EDA2R: variants seen among roughly 807,000 people sequenced by gnomAD.
EDA2R encodes the protein ectodysplasin A2 receptor.
A neutral mutation model predicts 20.1 loss-of-function variants in EDA2R; 26 were observed. The ratio of observed to expected loss-of-function variants is 1.30; its 90% confidence interval spans 0.95 to 1.80. The LOEUF (loss-of-function observed/expected upper bound fraction) is 1.80. Ranked by LOEUF, EDA2R falls within the 40% of genes most tolerant of loss-of-function variation. The pLI, the probability that EDA2R is intolerant of heterozygous loss-of-function variation, is 0.00. For missense variants in EDA2R, 277 were observed against 228.7 expected, an observed-to-expected ratio of 1.21 and a Z score of -1.36; for synonymous variants, 114 against 88.7, an observed-to-expected ratio of 1.29 and a Z score of -1.60.
chrX:66,633,084 T>G (rs1933996518), intron 1 of EDA2R, among the ~76,000 whole-genome samples: 1 of 112,373 alleles, frequency 8.9e-6, no homozygotes. Context: ...GCTGTTGTCA[T>G]TGTACAGACA....
chrX:66,623,785 C>T (rs1187811875), intron 1 of EDA2R, among the ~76,000 whole-genome samples: 2 of 111,175 alleles, frequency 1.8e-5, no homozygotes, highest in Non-Finnish European at 3.8e-5. Flanking sequence ...GGCTACTTCC[C>T]TCATCTTCTT....
Position 66,596,061 on chromosome X carries a change from T to C in EDA2R, c.*2043A>G, listed in dbSNP as rs1274644795. 2.8e-5 allele frequency: 3 copies of C among 109,013 alleles called. No individual in the cohort carries two copies. The highest frequency in any genetic ancestry group is 1.0e-4 in the African/African-American group (3 of 29,817). The allele number at this position is 109,013 out of a possible 1,213,427, so 9.0% of individuals were successfully genotyped here. Reference sequence around the variant, plus strand: ...AAAAAATTCATTCTCAGGAAATACCTCCCCTTCCTTACAAACAAAAACTAC... The same window carrying C: ...AAAAAATTCATTCTCAGGAAATACCCCCCCTTCCTTACAAACAAAAACTAC... On this transcript the variant is annotated 3_prime_UTR_variant, in exon 7 of 7. Coordinates refer to ENST00000374719, the MANE Select transcript of EDA2R (RefSeq NM_021783.5).
chrX:66,602,627 C>A lies in EDA2R; in HGVS notation c.517+6G>T. The stretch of plus-strand genomic sequence containing the variant: ...TTCATGTGAAACATGAAACAGCCAC[C>A]CTTACCACGCTGGCAATGTCTGTTG... On this transcript the variant is annotated splice_donor_region_variant and intron_variant, in intron 5 of 6. Coordinates refer to ENST00000374719, the MANE Select transcript of EDA2R (RefSeq NM_021783.5). 1 of 1,189,985 alleles carries A rather than the reference C, an allele frequency of 8.4e-7. No individual in the cohort carries two copies. Among genetic ancestry groups the A allele is most frequent in the Non-Finnish European group, 1.1e-6 (1 of 884,586 alleles).
chrX:66,614,773 C>A (rs1405685473), intron 2 of EDA2R, among the ~76,000 whole-genome samples: 1 of 111,863 alleles, frequency 8.9e-6, no homozygotes, highest in African/African-American at 3.2e-5. Flanking sequence ...CTATAACTTT[C>A]CAACCCAAAA....
intron 1 of EDA2R, among the ~76,000 whole-genome samples, chrX:66,624,925 T>C (rs1932919354): frequency 9.0e-6 from 1 of 111,570 alleles, no homozygotes; most frequent in Non-Finnish European, 1.9e-5. Context: ...CTGGGGAAAG[T>C]CTAATTTGCA....
chrX:66,631,354 A>G (rs773118886), intron 1 of EDA2R, among the ~76,000 whole-genome samples: 2 of 111,322 alleles, frequency 1.8e-5, no homozygotes, highest in South Asian at 7.7e-4. Context: ...CCAATAACCT[A>G]TGGAATTTTT....
intron 1 of EDA2R, among the ~76,000 whole-genome samples, chrX:66,634,951 C>G (rs1177148482): frequency 1.8e-5 from 2 of 111,995 alleles, no homozygotes; most frequent in African/African-American, 6.5e-5. Context: ...TTTGGCTTAA[C>G]CACAACGGTG....
chrX:66,636,229 T>C (rs951473990), intron 1 of EDA2R, among the ~76,000 whole-genome samples: 3 of 111,796 alleles, frequency 2.7e-5, no homozygotes, highest in African/African-American at 9.8e-5. Flanking sequence ...AAATAATAAA[T>C]TACAAGGAAT....
intron 5 of EDA2R, chrX:66,600,114 T>C: frequency 8.8e-7 from 1 of 1,130,101 alleles, no homozygotes; most frequent in East Asian, 3.3e-5. Flanking sequence ...AAAGAAACCT[T>C]TGTGGGAAAC....
chrX:66,607,945 G>T (rs775465623), intron 2 of EDA2R, among the ~76,000 whole-genome samples: 39 of 112,069 alleles, frequency 3.5e-4, no homozygotes, highest in Non-Finnish European at 6.6e-4. Flanking sequence ...TCTTAAATTT[G>T]CTCAAAGACA....
At chrX:66,638,619 G>T (rs1324230967) in intron 1 of EDA2R, among the ~76,000 whole-genome samples, 2 of 110,886 alleles carry the variant, frequency 1.8e-5, no homozygotes, top group African/African-American at 6.6e-5. Flanking sequence ...CTTTCCTCAG[G>T]ATGCTCCACA....
At chrX:66,598,288 G>A (rs1927819752) in intron 6 of EDA2R, among the ~76,000 whole-genome samples, 195 bp from the exon 7 acceptor site, 1 of 112,066 alleles carries the variant, frequency 8.9e-6, no homozygotes, top group Non-Finnish European at 1.9e-5. Context: ...GATAGGTTTA[G>A]TTCTAAGCTC....
At chrX:66,606,859 T>G (rs1929773641) in intron 2 of EDA2R, among the ~76,000 whole-genome samples, 1 of 111,932 alleles carries the variant, frequency 8.9e-6, no homozygotes, top group Non-Finnish European at 1.9e-5. Context: ...TGAGGGCTAT[T>G]TGAAGGACTG....
At chrX:66,599,888 G>A (rs776545021) in intron 5 of EDA2R, 28 bp from the exon 6 acceptor site, 38 of 1,189,460 alleles carry the variant, frequency 3.2e-5, no homozygotes, top group Non-Finnish European at 4.1e-5. Flanking sequence ...AAGCCACTGG[G>A]TTACCCAAAA....
At chrX:66,614,694 T>G (rs761489411) in intron 2 of EDA2R, among the ~76,000 whole-genome samples, 1 of 112,064 alleles carries the variant, frequency 8.9e-6, no homozygotes, top group Admixed American at 9.5e-5. Context: ...TTCTCTTCAT[T>G]TTTTAAAATA....
intron 2 of EDA2R, among the ~76,000 whole-genome samples, chrX:66,610,314 C>CAG (rs1555950308): frequency 2.1e-4 from 23 of 109,152 alleles, no homozygotes; most frequent in African/African-American, 7.8e-4. Flanking sequence ...CACACACACA[C>CAG]AGATACATAT....
chrX:66,599,470 T>C lies in EDA2R; in HGVS notation c.*10+4A>G. 1.8e-6 allele frequency: 2 copies of C among 1,129,135 alleles called. No individual in the cohort carries two copies. The highest frequency in any genetic ancestry group is 2.2e-5 in the South Asian group (1 of 45,719). 93.1% of individuals were successfully genotyped at this position (1,129,135 alleles called of 1,213,427 possible). ...TTTTTTTCTGATCCACCTTTCCAGCTCACCTCATTAGAGTTAAGGGCTGGG... is the reference window on the plus strand; with the variant it reads ...TTTTTTTCTGATCCACCTTTCCAGCCCACCTCATTAGAGTTAAGGGCTGGG... On this transcript the variant is annotated splice_donor_region_variant and intron_variant, in intron 6 of 6. Coordinates refer to ENST00000374719, the MANE Select transcript of EDA2R (RefSeq NM_021783.5).
intron 4 of EDA2R, 129 bp from the exon 5 acceptor site, chrX:66,602,926 G>T (rs1019022235): frequency 1.7e-6 from 1 of 582,671 alleles, no homozygotes; most frequent in South Asian, 4.2e-5. Context: ...TGGCTATGCT[G>T]GTTTTACTTC....
At chrX:66,620,216 T>C in intron 1 of EDA2R, among the ~76,000 whole-genome samples, 1 of 112,442 alleles carries the variant, frequency 8.9e-6, no homozygotes, top group Non-Finnish European at 1.9e-5. Context: ...TCCTATTGTA[T>C]GGATATACCA....
Sources: allele counts gnomAD v4.1 joint callset (sites outside exome capture counted in the v4.1 genomes callset), GRCh38; gene constraint gnomAD v4.1.1; transcripts MANE v1.5; gene names NCBI Gene and HGNC (gene_info 2026-07-23, HGNC 2026-07-21).